Variants in SLC39A11 observed in about 807,000 individuals in gnomAD.
SLC39A11 encodes solute carrier family 39 member 11, also known as zinc transporter ZIP11.
Under a neutral mutation model 36.1 loss-of-function variants are expected in SLC39A11, and 33 were observed. The ratio of observed to expected loss-of-function variants is 0.91; its 90% CI spans 0.69 to 1.22. SLC39A11 has a LOEUF of 1.22. SLC39A11 is among the 50% of genes most tolerant of loss of function. SLC39A11 has a pLI of 0.00. For missense variants in SLC39A11, 432 were observed against 430.3 expected (o/e 1.00, Z -0.03); for synonymous variants, 166 against 170.3 (o/e 0.97, Z 0.20).
At chr17:72,692,627 C>T (rs769438271) in intron 7 of SLC39A11, among the ~76,000 whole-genome samples, 7 of 152,200 alleles carry the variant, frequency 4.6e-5, no homozygotes, top group Non-Finnish European at 7.4e-5. Context: ...TCAATTACCT[C>T]CCCCTGGTTC....
intron 5 of SLC39A11, among the ~76,000 whole-genome samples, chr17:72,922,976 AAAAAAAAAAAAAAAC>A (rs1380477119): frequency 3.4e-5 from 5 of 148,748 alleles, no homozygotes; most frequent in South Asian, 2.1e-4. Flanking sequence ...AAAAAAAAAA[AAAAAAAAAAAAAAAC>A]ACACAGAAAA....
intron 7 of SLC39A11, among the ~76,000 whole-genome samples, chr17:72,670,188 CACACACACACACACACACACACACATAT>C (rs2070955407): frequency 2.2e-5 from 3 of 137,728 alleles, no homozygotes; most frequent in African/African-American, 8.1e-5. Context: ...CACACACACA[CACACACACACACACACACACACACATAT>C]ATATATATGC....
chr17:72,924,847 C>T (rs1567963921), intron 5 of SLC39A11, among the ~76,000 whole-genome samples: 3 of 151,802 alleles, frequency 2.0e-5, no homozygotes, highest in Non-Finnish European at 4.4e-5. Context: ...ACTACAAATA[C>T]AAAAATTAGC....
chr17:72,936,191 C>T (rs1226049799), intron 5 of SLC39A11, among the ~76,000 whole-genome samples: 2 of 151,868 alleles, frequency 1.3e-5, no homozygotes, highest in Non-Finnish European at 2.9e-5. Context: ...GAGTGAGATG[C>T]TATCTCCAAA....
chr17:72,966,743 G>T (rs1044439871), intron 4 of SLC39A11, among the ~76,000 whole-genome samples: 1 of 151,972 alleles, frequency 6.6e-6, no homozygotes, highest in Non-Finnish European at 1.5e-5. Flanking sequence ...CTAATTTTTT[G>T]TATTTTTAGT....
intron 5 of SLC39A11, among the ~76,000 whole-genome samples, chr17:72,936,753 G>A (rs550597786): frequency 1.6e-5 from 2 of 121,494 alleles, no homozygotes; most frequent in South Asian, 6.3e-4. Flanking sequence ...GAGGTGGGGG[G>A]TAGGGGGTGG....
intron 5 of SLC39A11, among the ~76,000 whole-genome samples, chr17:72,921,180 C>T (rs1417373029): frequency 6.6e-6 from 1 of 152,202 alleles, no homozygotes; most frequent in African/African-American, 2.4e-5. Flanking sequence ...ACAAGCCCAG[C>T]ATCTTGCTCC....
At chr17:72,765,856 G>C (rs1043710681) in intron 6 of SLC39A11, among the ~76,000 whole-genome samples, 3 of 152,136 alleles carry the variant, frequency 2.0e-5, no homozygotes, top group Non-Finnish European at 2.9e-5. Context: ...CCCAATGCTG[G>C]CTGCAAGATA....
At position 72,815,170 on chromosome 17, in the gene SLC39A11, G is replaced by T. The variant is rs562806384; in HGVS notation, c.601+34464C>A. On this transcript the variant is annotated intron_variant, in intron 6 of 9. Transcript: ENST00000255559. ...CGGGATTGCATATGACAATGAATCT[G>T]CTCATCAATACCTAAAACTTACAGG... Among the ~76,000 whole-genome samples, 20 of 152,318 alleles carry T rather than the reference G, an allele frequency of 1.3e-4. 1 individual carries two copies. The South Asian group carries it at 3.3e-3, about 25-fold the overall frequency.
At chr17:72,912,641 T>C (rs28555287) in intron 5 of SLC39A11, among the ~76,000 whole-genome samples, 77,472 of 151,362 alleles carry the variant, frequency 0.51, 19,813 homozygotes, top group African/African-American at 0.53. Context: ...GCAACTTCAG[T>C]AGGCTGACGG....
At chr17:73,009,014 A>G (rs1022804151) in intron 4 of SLC39A11, among the ~76,000 whole-genome samples, 3 of 143,088 alleles carry the variant, frequency 2.1e-5, no homozygotes, top group African/African-American at 7.9e-5. Flanking sequence ...GTGAGCTGCC[A>G]TTGCAATGCT....
At chr17:72,685,971 G>T (rs911438754) in intron 7 of SLC39A11, among the ~76,000 whole-genome samples, 3 of 151,770 alleles carry the variant, frequency 2.0e-5, no homozygotes, top group Non-Finnish European at 4.4e-5. Flanking sequence ...AGGAGATGAA[G>T]ATTGCAGTGA....
At chr17:72,963,436 C>G (rs1286790414) in intron 4 of SLC39A11, among the ~76,000 whole-genome samples, 3 of 152,068 alleles carry the variant, frequency 2.0e-5, no homozygotes, top group Non-Finnish European at 4.4e-5. Flanking sequence ...TCCCAAAGTG[C>G]TGGGATTACA....
intron 4 of SLC39A11, among the ~76,000 whole-genome samples, chr17:73,030,897 T>A (rs527868107): frequency 7.2e-4 from 109 of 152,330 alleles, no homozygotes; most frequent in African/African-American, 2.6e-3. Context: ...AGCACATACA[T>A]GCTCATTCCC....
chr17:72,678,251 G>A (rs1331810341), intron 7 of SLC39A11, among the ~76,000 whole-genome samples: 2 of 152,176 alleles, frequency 1.3e-5, no homozygotes, highest in African/African-American at 2.4e-5. Context: ...GTTATGTAAA[G>A]CTTGTGGGGG....
intron 5 of SLC39A11, among the ~76,000 whole-genome samples, chr17:72,859,572 C>T (rs1410010046): frequency 2.0e-5 from 3 of 151,728 alleles, no homozygotes; most frequent in African/African-American, 4.8e-5. Flanking sequence ...AATTTAGGGA[C>T]CAGGTTCTAT....
intron 5 of SLC39A11, among the ~76,000 whole-genome samples, chr17:72,931,398 G>A (rs919938509): frequency 7.2e-5 from 11 of 152,168 alleles, no homozygotes; most frequent in African/African-American, 2.4e-4. Context: ...AGCTGCAGCC[G>A]CCAATGGCCT....
intron 5 of SLC39A11, among the ~76,000 whole-genome samples, chr17:72,909,877 CT>C (rs2082885672): frequency 1.3e-5 from 2 of 151,542 alleles, no homozygotes; most frequent in Non-Finnish European, 3.0e-5. Flanking sequence ...TCCCGAGTAG[CT>C]GGGACTCCAG....
chr17:72,965,751 G>A (rs2086925257), intron 4 of SLC39A11, among the ~76,000 whole-genome samples: 1 of 152,190 alleles, frequency 6.6e-6, no homozygotes, highest in African/African-American at 2.4e-5. Context: ...ATACCAGGAT[G>A]GAAGACCAGA....
Sources: gnomAD v4.1 joint callset for allele counts (sites outside exome capture counted in the v4.1 genomes callset) on GRCh38, gnomAD v4.1.1 for gene constraint, MANE v1.5 for transcripts, NCBI Gene and HGNC (gene_info 2026-07-23, HGNC 2026-07-21) for gene names.